ADGRG4: variants seen among roughly 807,000 people sequenced by gnomAD.
ADGRG4 encodes the protein adhesion G protein-coupled receptor G4, also known as G protein-coupled receptor 112.
Under a neutral mutation model 126.2 loss-of-function variants are expected in ADGRG4, and 122 were observed. That is an observed-to-expected ratio of 0.97 (90% CI 0.83 to 1.12). The LOEUF (loss-of-function observed/expected upper bound fraction) is 1.12. ADGRG4 is among the 50% of genes most tolerant of loss of function. ADGRG4 has a pLI of 0.00. For synonymous variants in ADGRG4, 943 were observed against 838.7 expected (o/e 1.12, Z -2.15); for missense variants, 2,481 against 2,251.8 (o/e 1.10, Z -2.06).
chrX:136,310,887 C>T (rs1047326054), intron 4 of ADGRG4, among the ~76,000 whole-genome samples: 4 of 111,574 alleles, frequency 3.6e-5, no homozygotes, highest in African/African-American at 1.3e-4. Context: ...ATGTGGGACT[C>T]GGTTTCCTAG....
chrX:136,302,423 A>G (rs1445908591), intron 1 of ADGRG4, among the ~76,000 whole-genome samples: 2 of 112,202 alleles, frequency 1.8e-5, no homozygotes, highest in African/African-American at 6.5e-5. Flanking sequence ...GTCTCAGGAT[A>G]CAAAATCAAT....
intron 5 of ADGRG4, among the ~76,000 whole-genome samples, chrX:136,337,462 T>C (rs1346469818): frequency 8.9e-6 from 1 of 112,484 alleles, no homozygotes; most frequent in African/African-American, 3.2e-5. Flanking sequence ...TTGAAGTAAT[T>C]CCTTTAGCTA....
intron 13 of ADGRG4, among the ~76,000 whole-genome samples, chrX:136,364,688 G>T (rs2075148585): frequency 9.0e-6 from 1 of 111,529 alleles, no homozygotes; most frequent in Admixed American, 9.5e-5. Flanking sequence ...TTTAGAGTTG[G>T]TATTGTCTAA....
intron 8 of ADGRG4, among the ~76,000 whole-genome samples, chrX:136,355,074 G>A (rs999303980): frequency 8.9e-6 from 1 of 112,145 alleles, no homozygotes; most frequent in African/African-American, 3.2e-5. Flanking sequence ...CCGCCTTGGG[G>A]CAGGTGAAAG....
rs2075476641 is a variant in ADGRG4, at chrX:136,416,565, C to T, written c.*74C>T. On this transcript the variant is annotated 3_prime_UTR_variant, in exon 26 of 26. Coordinates refer to ENST00000394143, the MANE Select transcript of ADGRG4 (RefSeq NM_153834.4). ...AATAAAAATGAATTCCAAGTGTATA[C>T]TTGCTCGGGTGATGGGTGCACCAAA... The T allele has an allele frequency of 1.2e-6, 1 of 843,861 alleles. No homozygotes were observed. The highest frequency in any genetic ancestry group is 2.0e-5 in the African/African-American group (1 of 50,053). 69.5% of individuals were successfully genotyped at this position (843,861 alleles called of 1,213,427 possible). A position where few individuals can be genotyped will look rare whatever the true frequency, so the allele number is the denominator to read the frequency against.
intron 15 of ADGRG4, among the ~76,000 whole-genome samples, chrX:136,373,323 C>T (rs1293104601): frequency 1.8e-5 from 2 of 111,721 alleles, no homozygotes; most frequent in Non-Finnish European, 3.8e-5. Context: ...TATTATTGGC[C>T]ACCATTTAAG....
chrX:136,348,287 A>T lies in ADGRG4; in HGVS notation c.4581A>T (p.Lys1527Asn). The T allele has an allele frequency of 1.7e-6, 2 of 1,209,383 alleles. No homozygotes were observed. Among genetic ancestry groups the T allele is most frequent in the Non-Finnish European group, 1.1e-6 (1 of 893,506 alleles). ...ATGTAACTGCCTTCACCTCCAAAAA[A>T]GTTTCTGACACTCCCCCAATAGTGA... ...PVNVTAFTSK[K>N]VSDTPPIVIT... Residue 1527 changes from lysine to asparagine, a missense_variant, in exon 6 of 26, where the codon AAA becomes AAT. Lys to Asn is a moderately conservative substitution (Grantham distance 94). Coordinates refer to ENST00000394143, the MANE Select transcript of ADGRG4 (RefSeq NM_153834.4).
chrX:136,367,588 C>T (rs778632697), intron 13 of ADGRG4, among the ~76,000 whole-genome samples: 30 of 111,469 alleles, frequency 2.7e-4, no homozygotes, highest in South Asian at 1.1e-3. Flanking sequence ...AAATCTACCG[C>T]GGAGTAAAGG....
chrX:136,321,447 G>A (rs1367132205), intron 4 of ADGRG4, among the ~76,000 whole-genome samples: 1 of 111,506 alleles, frequency 9.0e-6, no homozygotes, highest in East Asian at 2.8e-4. Context: ...TTCATTTGGC[G>A]GCATCTCCCA....
Position 136,347,950 on chromosome X carries a change from T to C in ADGRG4, c.4244T>C (p.Phe1415Ser), listed in dbSNP as rs757186344. 4 of 1,208,817 alleles carry C rather than the reference T, an allele frequency of 3.3e-6. No homozygotes were observed. Among genetic ancestry groups the C allele is most frequent in the Non-Finnish European group, 4.5e-6 (4 of 892,831 alleles). Residue 1415 changes from phenylalanine (F) to serine (S), a missense_variant, in exon 6 of 26, where the codon TTT becomes TCT. Coordinates refer to ENST00000394143, the MANE Select transcript of ADGRG4 (RefSeq NM_153834.4). ...HSVSYGQDTS[F>S]VDTTTSSSTR... ...GTCTCATATGGCCAGGATACTTCAT[T>C]TGTAGATACCACAACTTCCAGCTCA...
chrX:136,373,074 G>A lies in ADGRG4; in HGVS notation c.7776+10G>A, dbSNP rs1213075969. On this transcript the variant is annotated intron_variant, in intron 15 of 25. Transcript: ENST00000394143. ...AGGCACAGACCCTGAGGTGAGTGCA[G>A]CTCAGGGAACTGAGAGCCAATCAGC... 1 of 1,178,900 alleles carries A rather than the reference G, an allele frequency of 8.5e-7. No homozygotes were observed.
chrX:136,402,802 G>C (rs977915982), intron 21 of ADGRG4, among the ~76,000 whole-genome samples: 32 of 111,566 alleles, frequency 2.9e-4, no homozygotes, highest in African/African-American at 1.0e-3. Flanking sequence ...TGTCAAAAAA[G>C]CACTGAAGGC....
At position 136,351,486 on chromosome X, in the gene ADGRG4, T is replaced by C. The variant is rs141587658; in HGVS notation, c.6767T>C (p.Val2256Ala). ...YNVEMSFSVF[V>A]EEPRIPITSV... ...GTTGAAATGAGCTTCTCTGTCTTTG[T>C]TGAAGAGCCAAGGATCCCTATTACC... Residue 2256 changes from valine (V) to alanine (A), a missense_variant, in exon 7 of 26, where the codon GTT (valine) becomes GCT (alanine). Transcript: ENST00000394143. The C allele has an allele frequency of 6.8e-6, 8 of 1,169,491 alleles. No homozygotes were observed. The highest frequency in any genetic ancestry group is 9.2e-6 in the Non-Finnish European group (8 of 869,615).
chrX:136,379,840 C>G lies in ADGRG4; in HGVS notation c.7776+6776C>G, dbSNP rs544370616. 3.5e-4 allele frequency among the ~76,000 whole-genome samples: 39 copies of G among 110,966 alleles called. 1 individual carries two copies. The South Asian group carries it at 0.015, about 43-fold the overall frequency. On this transcript the variant is annotated intron_variant, in intron 15 of 25. Transcript: ENST00000394143. ...TCCGATCCCTGTGATTTTGACTACTCTAGGTACCTCATGTAAATGGAATAA... is the reference window on the plus strand; with the variant it reads ...TCCGATCCCTGTGATTTTGACTACTGTAGGTACCTCATGTAAATGGAATAA...
chrX:136,334,434 A>T lies in ADGRG4; in HGVS notation c.686-9958A>T, dbSNP rs1318599412. Among the ~76,000 whole-genome samples the T allele has an allele frequency of 4.5e-5, 5 of 111,399 alleles. No homozygotes were observed. The Admixed American group carries it at 4.8e-4, about 11-fold the overall frequency. ...CAAAAATTGGTTCAGTTATTCTAGG[A>T]CTTGTGCATTTCCATAAAAATTTTA... On this transcript the variant is annotated intron_variant, in intron 5 of 25. Transcript: ENST00000394143.
intron 8 of ADGRG4, among the ~76,000 whole-genome samples, chrX:136,355,333 C>T (rs1405600769): frequency 2.7e-5 from 3 of 110,949 alleles, no homozygotes; most frequent in Admixed American, 1.9e-4. Flanking sequence ...TCAAAGGCCC[C>T]GCCTCCTAAT....
intron 3 of ADGRG4, 129 bp from the exon 4 acceptor site, chrX:136,308,640 C>A: frequency 2.0e-6 from 1 of 501,368 alleles, no homozygotes; most frequent in African/African-American, 2.3e-5. Flanking sequence ...ATGTGGTTGG[C>A]TGACATGACT....
Position 136,346,328 on chromosome X carries a change from A to G in ADGRG4, c.2622A>G (p.Ser874=). 1 of 1,211,277 alleles carries G rather than the reference A, an allele frequency of 8.3e-7. No homozygotes were observed. The highest frequency in any genetic ancestry group is 3.0e-5 in the East Asian group (1 of 33,850). ...FSTMLEVTDE[S]AQRVTASVTV... ...CAATGCTGGAAGTGACAGACGAATC[A>G]GCACAAAGGGTGACAGCTTCTGTCA... is the stretch of plus-strand genomic sequence containing the variant. Residue 874 remains serine (S), a synonymous_variant, in exon 6 of 26, where the codon TCA becomes TCG. Transcript: ENST00000394143.
rs183253903 is a variant in ADGRG4, at chrX:136,351,090, G to C, written c.6728-357G>C. On this transcript the variant is annotated intron_variant, in intron 6 of 25. Coordinates refer to ENST00000394143, the MANE Select transcript of ADGRG4 (RefSeq NM_153834.4). The stretch of plus-strand genomic sequence containing the variant: ...AACAAGGCACAGGAAGAAAAAAACA[G>C]TTACTTTCTCAGAGAAAATGATCTT... Among the ~76,000 whole-genome samples the C allele has an allele frequency of 3.6e-5, 4 of 111,958 alleles. No homozygotes were observed. In the Admixed American group the frequency reaches 3.8e-4, roughly 11 times the overall value.
Sources: allele counts gnomAD v4.1 joint callset (sites outside exome capture counted in the v4.1 genomes callset), GRCh38; gene constraint gnomAD v4.1.1; transcripts MANE v1.5; gene names NCBI Gene and HGNC (gene_info 2026-07-23, HGNC 2026-07-21).